PTPRT: variants seen among roughly 807,000 people sequenced by gnomAD.
The protein encoded by PTPRT is receptor-type tyrosine-protein phosphatase T.
Under a neutral mutation model 176.8 loss-of-function variants are expected in PTPRT, and 56 were observed. The observed-to-expected ratio is 0.32, with a 90% CI of 0.26 to 0.40. The LOEUF (loss-of-function observed/expected upper bound fraction) is 0.40. Among genes scored for constraint, PTPRT ranks in the 10% least tolerant of loss-of-function variants. The pLI is 1.00. For missense variants in PTPRT, 1,540 were observed against 1,908.2 expected (o/e 0.81, Z 3.60); for synonymous variants, 783 against 739.0 (o/e 1.06, Z -0.96).
chr20:42,197,843 C>A (rs903231107), intron 16 of PTPRT, among the ~76,000 whole-genome samples: 1 of 152,074 alleles, frequency 6.6e-6, no homozygotes. Flanking sequence ...TATGAGTATT[C>A]ATTTTGCTGT....
chr20:43,151,152 C>T (rs577531697), intron 1 of PTPRT, among the ~76,000 whole-genome samples: 1 of 151,540 alleles, frequency 6.6e-6, no homozygotes, highest in Non-Finnish European at 1.5e-5. Context: ...ACTAAAAATA[C>T]AAAATTAGCC....
intron 15 of PTPRT, among the ~76,000 whole-genome samples, chr20:42,234,108 C>T (rs1021459073): frequency 1.3e-5 from 2 of 152,132 alleles, no homozygotes; most frequent in Non-Finnish European, 2.9e-5. Context: ...AACATGCATA[C>T]CCTAAGAGGC....
intron 7 of PTPRT, among the ~76,000 whole-genome samples, chr20:42,573,453 A>T (rs749144862): frequency 6.6e-6 from 1 of 152,180 alleles, no homozygotes; most frequent in Non-Finnish European, 1.5e-5. Context: ...CCTTGGCAAT[A>T]AAGAGGGGGC....
intron 1 of PTPRT, among the ~76,000 whole-genome samples, chr20:43,120,102 C>T (rs1600726239): frequency 6.6e-6 from 1 of 152,146 alleles, no homozygotes; most frequent in South Asian, 2.1e-4. Flanking sequence ...ATACCAGACC[C>T]GTCCAGCACC....
intron 1 of PTPRT, among the ~76,000 whole-genome samples, chr20:43,055,633 A>C (rs796255920): frequency 2.0e-5 from 3 of 152,192 alleles, no homozygotes; most frequent in Non-Finnish European, 4.4e-5. Context: ...TAGGAAGATA[A>C]ATTTTATTTG....
intron 1 of PTPRT, among the ~76,000 whole-genome samples, chr20:42,889,972 A>G (rs1157467717): frequency 2.6e-5 from 4 of 152,176 alleles, no homozygotes; most frequent in Non-Finnish European, 5.9e-5. Flanking sequence ...TTTTATAATA[A>G]AAGCCAAATT....
intron 1 of PTPRT, among the ~76,000 whole-genome samples, chr20:43,188,761 G>GC (rs1256682361): frequency 1.4e-5 from 2 of 147,552 alleles, no homozygotes; most frequent in African/African-American, 4.9e-5. Context: ...GGGGGGGGGG[G>GC]GCTCGGGGGT....
intron 16 of PTPRT, among the ~76,000 whole-genome samples, chr20:42,190,822 G>A (rs1990975849): frequency 6.6e-6 from 1 of 152,174 alleles, no homozygotes; most frequent in Admixed American, 6.5e-5. Context: ...TCTACAGAAG[G>A]CAGCATGGAG....
chr20:43,003,312 A>C (rs111916985), intron 1 of PTPRT, among the ~76,000 whole-genome samples: 9,617 of 152,196 alleles, frequency 0.063, 330 homozygotes, highest in Non-Finnish European at 0.08. Context: ...TCAGGCTCTC[A>C]AGTAGCTGAG....
At chr20:42,474,641 T>C (rs1055291175) in intron 7 of PTPRT, among the ~76,000 whole-genome samples, 4 of 152,102 alleles carry the variant, frequency 2.6e-5, no homozygotes, top group African/African-American at 9.7e-5. Flanking sequence ...GAAGGTGAAA[T>C]GTGGTCCCTG....
intron 2 of PTPRT, among the ~76,000 whole-genome samples, chr20:42,804,154 T>C (rs1156317818): frequency 6.6e-6 from 1 of 152,060 alleles, no homozygotes; most frequent in Non-Finnish European, 1.5e-5. Context: ...CCCTAGATTT[T>C]CTACGGTTTT....
intron 6 of PTPRT, among the ~76,000 whole-genome samples, chr20:42,697,828 C>A (rs768301305): frequency 6.6e-6 from 1 of 152,184 alleles, no homozygotes; most frequent in South Asian, 2.1e-4. Context: ...AGTGAAATTG[C>A]CATCATTCTT....
At chr20:42,398,403 A>G (rs1437221607) in intron 9 of PTPRT, among the ~76,000 whole-genome samples, 1 of 152,232 alleles carries the variant, frequency 6.6e-6, no homozygotes, top group South Asian at 2.1e-4. Flanking sequence ...AGCATTGAGC[A>G]TAACAGCCAA....
At chr20:43,040,542 C>T (rs1482111888) in intron 1 of PTPRT, among the ~76,000 whole-genome samples, 1 of 152,214 alleles carries the variant, frequency 6.6e-6, no homozygotes, top group African/African-American at 2.4e-5. Flanking sequence ...TTTACCTGCA[C>T]ATACCCGCAC....
chr20:42,584,547 T>G (rs1473472936), intron 7 of PTPRT, among the ~76,000 whole-genome samples: 2 of 152,172 alleles, frequency 1.3e-5, no homozygotes, highest in African/African-American at 4.8e-5. Context: ...AGGAGTCCTT[T>G]TCTTCCACCT....
At chr20:42,330,081 A>G (rs2057946131) in intron 11 of PTPRT, among the ~76,000 whole-genome samples, 1 of 152,176 alleles carries the variant, frequency 6.6e-6, no homozygotes, top group Non-Finnish European at 1.5e-5. Flanking sequence ...TCCCATCCCT[A>G]CTTGACTCCA....
rs529044168 is a variant in PTPRT, at chr20:43,106,380, G to A, written c.88+83266C>T. Reference sequence around the variant, plus strand: ...AGTTTAGAAAGAGACATATGTGGCCGGGTGCAGTGGCTCACACCTGTAATG... The same window carrying A: ...AGTTTAGAAAGAGACATATGTGGCCAGGTGCAGTGGCTCACACCTGTAATG... On this transcript the variant is annotated intron_variant, in intron 1 of 30. Coordinates refer to ENST00000373187, the MANE Select transcript of PTPRT (RefSeq NM_007050.6). Among the ~76,000 whole-genome samples, 51 of 152,254 alleles carry A rather than the reference G, an allele frequency of 3.3e-4. 1 individual carries two copies. The highest frequency in any genetic ancestry group is 1.2e-3 in the African/African-American group (49 of 41,520).
At chr20:43,048,685 C>G (rs1986930776) in intron 1 of PTPRT, among the ~76,000 whole-genome samples, 1 of 152,046 alleles carries the variant, frequency 6.6e-6, no homozygotes, top group East Asian at 1.9e-4. Flanking sequence ...TCTAAATTCT[C>G]CTGGGGAAAA....
intron 1 of PTPRT, among the ~76,000 whole-genome samples, chr20:43,099,300 AC>A (rs2012296333): frequency 6.6e-6 from 1 of 152,140 alleles, no homozygotes; most frequent in Non-Finnish European, 1.5e-5. Flanking sequence ...ATGTCACAGC[AC>A]CCTGTGTAAT....
Sources: gnomAD v4.1 joint callset for allele counts (sites outside exome capture counted in the v4.1 genomes callset) on GRCh38, gnomAD v4.1.1 for gene constraint, MANE v1.5 for transcripts, NCBI Gene and HGNC (gene_info 2026-07-23, HGNC 2026-07-21) for gene names.